The following WASHC3 variants were observed in gnomAD, a reference collection of about 807,000 sequenced individuals.
The protein encoded by WASHC3 is WASH complex subunit CCDC53.
Under a neutral mutation model 26.1 loss-of-function variants are expected in WASHC3, and 24 were observed. That is an observed-to-expected ratio of 0.92 (90% CI 0.66 to 1.29). The LOEUF is 1.29. Among genes scored for constraint, WASHC3 ranks in the 50% most tolerant of loss-of-function variants. WASHC3 has a pLI of 0.00. For missense variants in WASHC3, 214 were observed against 229.6 expected (o/e 0.93, Z 0.44); for synonymous variants, 77 against 75.7 (o/e 1.02, Z -0.09).
chr12:102,057,508 T>C (rs531117095), intron 2 of WASHC3, among the ~76,000 whole-genome samples: 21 of 152,274 alleles, frequency 1.4e-4, no homozygotes, highest in African/African-American at 5.1e-4. Context: ...CTCTTATATA[T>C]TGAAAATCTT....
intron 6 of WASHC3, 26 bp downstream of exon 6, chr12:102,025,948 A>T: frequency 9.0e-7 from 1 of 1,109,014 alleles, no homozygotes; most frequent in Non-Finnish European, 1.3e-6. Context: ...TGGCAATAAT[A>T]TCATTATATT....
chr12:102,061,857 G>A lies in WASHC3; in HGVS notation c.51+55C>T. ...GGTGGGTGTCTCCCCGGAAAGCTGC[G>A]TCTTCCCCATCCTCCTCCCGGCTCG... On this transcript the variant is annotated intron_variant, in intron 1 of 6. Transcript: ENST00000240079. 4 of 1,482,662 alleles carry A rather than the reference G, an allele frequency of 2.7e-6. No individual in the cohort carries two copies. The South Asian group carries it at 3.6e-5, about 13-fold the overall frequency. 91.8% of individuals were successfully genotyped at this position (1,482,662 alleles called of 1,614,324 possible).
At chr12:102,017,629 A>C (rs2121320340) in intron 6 of WASHC3, 1 of 315,130 alleles carries the variant, frequency 3.2e-6, no homozygotes, top group East Asian at 1.0e-4. Flanking sequence ...AGATTAGAAC[A>C]TCTAGCAGGA....
intron 2 of WASHC3, among the ~76,000 whole-genome samples, chr12:102,056,613 T>C (rs1185055833): frequency 1.3e-5 from 2 of 152,166 alleles, no homozygotes; most frequent in Non-Finnish European, 2.9e-5. Flanking sequence ...AAAAGAAATA[T>C]GAAGGCTCAT....
chr12:102,040,017 C>T, intron 4 of WASHC3, 39 bp from the exon 5 acceptor site: 2 of 900,492 alleles, frequency 2.2e-6, no homozygotes, highest in Non-Finnish European at 3.5e-6. Flanking sequence ...AGACAATTTA[C>T]AAAAGGGGTC....
At chr12:102,025,015 G>C (rs1877116224) in intron 6 of WASHC3, among the ~76,000 whole-genome samples, 1 of 152,096 alleles carries the variant, frequency 6.6e-6, no homozygotes, top group Non-Finnish European at 1.5e-5. Flanking sequence ...TTTGAAATTT[G>C]TTCTTGTAGA....
Position 102,055,547 on chromosome 12 carries a change from T to G in WASHC3, c.150+5701A>C, listed in dbSNP as rs555032851. On this transcript the variant is annotated intron_variant, in intron 2 of 6. Transcript: ENST00000240079. ...TTTTAGTAGAGACAGCATTCCACCA[T>G]GTTGGCCAGGCTGGTCTCGAACTCT... Among the ~76,000 whole-genome samples the G allele has an allele frequency of 2.0e-5, 3 of 152,342 alleles. No individual in the cohort carries two copies. The South Asian group carries it at 6.2e-4, about 32-fold the overall frequency.
intron 2 of WASHC3, among the ~76,000 whole-genome samples, chr12:102,048,058 C>T (rs1565819597): frequency 6.6e-6 from 1 of 152,230 alleles, no homozygotes; most frequent in East Asian, 1.9e-4. Flanking sequence ...TTGGGTATTG[C>T]ACAGAATTTT....
intron 6 of WASHC3, among the ~76,000 whole-genome samples, chr12:102,025,001 T>A (rs536727334): frequency 6.6e-6 from 1 of 152,292 alleles, no homozygotes; most frequent in Non-Finnish European, 1.5e-5. Flanking sequence ...AATGTAGATA[T>A]ATGTTTGAAA....
In WASHC3 at chr12:102,061,251, C is replaced by T; in HGVS notation, c.147G>A (p.Glu49=). 2 of 1,612,000 alleles carry T rather than the reference C, an allele frequency of 1.2e-6. No homozygotes were observed. Among genetic ancestry groups the T allele is most frequent in the Non-Finnish European group, 1.7e-6 (2 of 1,178,136 alleles). The part of the protein sequence containing the change: ...QFLNRFSTVC[E]EKLADLSLRI... ...AAACCAGTATCACCGGACCTACCTCCTCACAAACTGTAGAAAAGCGGTTGA... is the reference window on the plus strand; with the variant it reads ...AAACCAGTATCACCGGACCTACCTCTTCACAAACTGTAGAAAAGCGGTTGA... The change falls in exon 2 of 7, where the codon GAG becomes GAA. Residue 49 remains glutamate (E), a synonymous_variant. Transcript: ENST00000240079.
intron 5 of WASHC3, among the ~76,000 whole-genome samples, chr12:102,032,594 G>T (rs1335570814): frequency 1.2e-4 from 18 of 151,762 alleles, no homozygotes; most frequent in Admixed American, 1.1e-3. Flanking sequence ...TGGTTAAAAA[G>T]GAAAAAAAAG....
At position 102,061,912 on chromosome 12, in the gene WASHC3, C is replaced by T. The variant is rs770178817; in HGVS notation, c.51G>A (p.Lys17=). Residue 17 remains lysine (K), a splice_region_variant and synonymous_variant, in exon 1 of 7, where the codon AAG becomes AAA. Transcript: ENST00000240079. ...PLMGSGIDLT[K]VPAIQQKRTV... is the part of the protein sequence containing the mutation. Reference sequence around the variant, plus strand: ...GAGTCTAGCACCGTCTTTTACAAACCTTGGTCAGGTCTATGCCTGACCCCA... The same window carrying T: ...GAGTCTAGCACCGTCTTTTACAAACTTTGGTCAGGTCTATGCCTGACCCCA... The T allele has an allele frequency of 1.4e-5, 23 of 1,597,612 alleles. No homozygotes were observed. Among genetic ancestry groups the T allele is most frequent in the Non-Finnish European group, 2.0e-5 (23 of 1,171,310 alleles).
intron 6 of WASHC3, among the ~76,000 whole-genome samples, chr12:102,018,459 A>C (rs930155239): frequency 2.0e-5 from 3 of 152,076 alleles, no homozygotes; most frequent in African/African-American, 7.2e-5. Context: ...TATCCTTACC[A>C]GTACTTATTG....
At chr12:102,055,276 G>A (rs1005592825) in intron 2 of WASHC3, among the ~76,000 whole-genome samples, 1 of 152,240 alleles carries the variant, frequency 6.6e-6, no homozygotes, top group Non-Finnish European at 1.5e-5. Context: ...GCAGCTCAGT[G>A]ACGTTATAAA....
chr12:102,052,260 A>G (rs181172736), intron 2 of WASHC3, among the ~76,000 whole-genome samples: 1 of 152,178 alleles, frequency 6.6e-6, no homozygotes, highest in East Asian at 1.9e-4. Flanking sequence ...GGAGAGAGAT[A>G]CCCTCCAGGT....
chr12:102,057,166 C>T (rs778127160), intron 2 of WASHC3, among the ~76,000 whole-genome samples: 16 of 152,006 alleles, frequency 1.1e-4, no homozygotes, highest in African/African-American at 1.7e-4. Flanking sequence ...AGACAAAAAC[C>T]GTATGATCAT....
In WASHC3 at chr12:102,026,032, G is replaced by A. The variant is rs1877172366; in HGVS notation, c.442C>T (p.Pro148Ser). Reference sequence around the variant, plus strand: ...ATTTTGTTTCTTATTGCCATCACTGGTACACCCTAAGCAAAGGATATAAGA... The same window carrying A: ...ATTTTGTTTCTTATTGCCATCACTGATACACCCTAAGCAAAGGATATAAGA... ...RYLKMVQVGV[P>S]VMAIRNKMIS... Residue 148 changes from proline to serine, a missense_variant, in exon 6 of 7, where the codon CCA becomes TCA. Transcript: ENST00000240079. 1.3e-6 allele frequency: 2 copies of A among 1,535,952 alleles called. No homozygotes were observed. Among genetic ancestry groups the A allele is most frequent in the African/African-American group, 1.4e-5 (1 of 73,148 alleles).
chr12:102,039,008 CA>C (rs936517692), intron 5 of WASHC3, among the ~76,000 whole-genome samples: 1 of 151,796 alleles, frequency 6.6e-6, no homozygotes, highest in Admixed American at 6.6e-5. Flanking sequence ...CGCTGAAGTA[CA>C]GTGGCACAAT....
rs765884942 is a variant in WASHC3, at chr12:102,061,247, C to T, written c.150+1G>A. The stretch of plus-strand genomic sequence containing the variant: ...CTATAAACCAGTATCACCGGACCTA[C>T]CTCCTCACAAACTGTAGAAAAGCGG... On this transcript the variant is annotated splice_donor_variant, in intron 2 of 6. Coordinates refer to ENST00000240079, the MANE Select transcript of WASHC3 (RefSeq NM_016053.4). LOFTEE classifies it high-confidence loss of function. 1.4e-5 allele frequency: 22 copies of T among 1,609,002 alleles called. No individual in the cohort carries two copies. The highest frequency in any genetic ancestry group is 1.8e-5 in the Non-Finnish European group (21 of 1,175,578).
Sources: gnomAD v4.1 joint callset for allele counts (sites outside exome capture counted in the v4.1 genomes callset) on GRCh38, gnomAD v4.1.1 for gene constraint, MANE v1.5 for transcripts, NCBI Gene and HGNC (gene_info 2026-07-23, HGNC 2026-07-21) for gene names.